Variants in KCNMA1 observed in about 807,000 individuals in gnomAD.
The protein encoded by KCNMA1 is potassium calcium-activated channel subfamily M alpha 1.
In KCNMA1, 29 loss-of-function variants were observed where a neutral mutation model predicts 140.0. The observed-to-expected ratio is 0.21, with a 90% CI of 0.15 to 0.28. The LOEUF (loss-of-function observed/expected upper bound fraction) is 0.28. Ranked by LOEUF, KCNMA1 falls within the 10% of genes least tolerant of loss-of-function variation. The pLI is 1.00. For synonymous variants in KCNMA1, 612 were observed against 611.9 expected (o/e 1.00, Z 0.00); for missense variants, 880 against 1,602.2 (o/e 0.55, Z 7.70).
intron 1 of KCNMA1, among the ~76,000 whole-genome samples, chr10:77,563,062 C>CAAAAAAA (rs35283320): frequency 6.8e-6 from 1 of 147,890 alleles, no homozygotes. Context: ...GAGACTTGAG[C>CAAAAAAA]AAAAAAAAAA....
intron 1 of KCNMA1, among the ~76,000 whole-genome samples, chr10:77,611,566 T>A (rs1386740257): frequency 6.6e-6 from 1 of 152,214 alleles, no homozygotes; most frequent in Non-Finnish European, 1.5e-5. Flanking sequence ...TATCACTGAT[T>A]CAGCTACGTA....
intron 2 of KCNMA1, among the ~76,000 whole-genome samples, chr10:77,275,505 C>G (rs954168817): frequency 2.0e-5 from 3 of 152,158 alleles, no homozygotes; most frequent in African/African-American, 7.2e-5. Context: ...GTCCAACGCC[C>G]TATTGTGTGT....
chr10:77,220,544 G>GTGA (rs532094162), intron 3 of KCNMA1, among the ~76,000 whole-genome samples: 3 of 152,202 alleles, frequency 2.0e-5, no homozygotes, highest in Non-Finnish European at 2.9e-5. Context: ...GAGCAGATAA[G>GTGA]TGATAAGAAG....
chr10:77,329,790 C>T (rs150900694), intron 2 of KCNMA1, among the ~76,000 whole-genome samples: 443 of 152,296 alleles, frequency 2.9e-3, no homozygotes, highest in Non-Finnish European at 3.8e-3. Flanking sequence ...AGTCCTAAAT[C>T]CATCACTAAT....
intron 3 of KCNMA1, among the ~76,000 whole-genome samples, chr10:77,236,807 T>C (rs575174473): frequency 3.3e-5 from 5 of 152,218 alleles, no homozygotes; most frequent in Admixed American, 2.0e-4. Flanking sequence ...TCATGTTTTA[T>C]TTATTTATGT....
intron 2 of KCNMA1, among the ~76,000 whole-genome samples, chr10:77,271,154 C>T (rs2065015788): frequency 6.6e-6 from 1 of 152,142 alleles, no homozygotes; most frequent in African/African-American, 2.4e-5. Flanking sequence ...TTTTATATTC[C>T]TTCAGTTTTT....
intron 1 of KCNMA1, among the ~76,000 whole-genome samples, chr10:77,554,909 T>C (rs770034399): frequency 6.6e-5 from 10 of 152,160 alleles, no homozygotes; most frequent in African/African-American, 9.7e-5. Flanking sequence ...GTGAAGGGGA[T>C]AGCCAATCAC....
chr10:76,974,029 A>T (rs1720188362), intron 19 of KCNMA1: 1 of 153,042 alleles, frequency 6.5e-6, no homozygotes, highest in Non-Finnish European at 1.5e-5. Context: ...GCTGGAGTTA[A>T]AAAACAGTTC....
chr10:76,910,277 T>C, intron 24 of KCNMA1, 181 bp from the exon 25 acceptor site: 5 of 647,390 alleles, frequency 7.7e-6, no homozygotes, highest in Non-Finnish European at 1.4e-5. Context: ...ACTGTTCCTG[T>C]GTCACTGTTT....
chr10:77,488,666 G>GTTGTT (rs2098491780), intron 1 of KCNMA1, among the ~76,000 whole-genome samples: 1 of 152,082 alleles, frequency 6.6e-6, no homozygotes, highest in South Asian at 2.1e-4. Context: ...TGGCCCCTGG[G>GTTGTT]GCAGGCCCAG....
intron 9 of KCNMA1, among the ~76,000 whole-genome samples, chr10:77,101,739 C>T (rs1329976923): frequency 2.6e-5 from 4 of 152,100 alleles, no homozygotes; most frequent in African/African-American, 9.7e-5. Context: ...TCGTAAATGA[C>T]ATTTTATAGG....
chr10:76,947,205 T>C (rs1206381453), intron 22 of KCNMA1, among the ~76,000 whole-genome samples: 4 of 150,858 alleles, frequency 2.7e-5, no homozygotes, highest in Admixed American at 2.0e-4. Flanking sequence ...GGCATGGTGG[T>C]GCATGCCTGT....
At chr10:77,416,803 TCA>T (rs938925754) in intron 1 of KCNMA1, among the ~76,000 whole-genome samples, 9 of 152,212 alleles carry the variant, frequency 5.9e-5, no homozygotes, top group African/African-American at 2.2e-4. Flanking sequence ...GGTGAGCATT[TCA>T]CAGTGCACTG....
At chr10:77,307,739 C>A (rs185299296) in intron 2 of KCNMA1, among the ~76,000 whole-genome samples, 1 of 152,090 alleles carries the variant, frequency 6.6e-6, no homozygotes, top group Non-Finnish European at 1.5e-5. Flanking sequence ...TTAGTAGAGA[C>A]GGGGTTTCAC....
Position 77,589,780 on chromosome 10 carries a change from C to T in KCNMA1, c.378+47485G>A, listed in dbSNP as rs375533609. Among the ~76,000 whole-genome samples the T allele has an allele frequency of 9.2e-5, 14 of 152,238 alleles. No homozygotes were observed. In the South Asian group the frequency reaches 2.7e-3, roughly 29 times the overall value. On this transcript the variant is annotated intron_variant, in intron 1 of 27. Transcript: ENST00000286628. The stretch of plus-strand genomic sequence containing the variant: ...TTCGCGGTGTTACAGCTCATAAAGG[C>T]AGCGTGGGCCCAAAGAGTGAGCAGC...
chr10:77,545,029 A>G (rs901568762), intron 1 of KCNMA1, among the ~76,000 whole-genome samples: 1 of 152,214 alleles, frequency 6.6e-6, no homozygotes, highest in Non-Finnish European at 1.5e-5. Flanking sequence ...AGAAGAGAGC[A>G]TATTTTTTCT....
At chr10:77,477,326 C>T (rs956584364) in intron 1 of KCNMA1, among the ~76,000 whole-genome samples, 17 of 152,302 alleles carry the variant, frequency 1.1e-4, no homozygotes, top group African/African-American at 4.1e-4. Flanking sequence ...CAAGATGGCA[C>T]CTAGTTCCTT....
At chr10:77,483,744 G>T (rs35791) in intron 1 of KCNMA1, among the ~76,000 whole-genome samples, 82,817 of 152,006 alleles carry the variant, frequency 0.54, 22,791 homozygotes, top group East Asian at 0.79. Flanking sequence ...GAAAAGATGA[G>T]CAAGGATTAT....
intron 2 of KCNMA1, among the ~76,000 whole-genome samples, chr10:77,267,369 C>T (rs963666898): frequency 1.3e-5 from 2 of 152,158 alleles, no homozygotes; most frequent in African/African-American, 4.8e-5. Context: ...AGCTTAAATG[C>T]CCTGTATAAG....
Sources: gnomAD v4.1 joint callset for allele counts (sites outside exome capture counted in the v4.1 genomes callset) on GRCh38, gnomAD v4.1.1 for gene constraint, MANE v1.5 for transcripts, NCBI Gene and HGNC (gene_info 2026-07-23, HGNC 2026-07-21) for gene names.